CA5A: variants seen among roughly 807,000 people sequenced by gnomAD.
CA5A encodes the protein carbonic anhydrase 5A, mitochondrial.
Under a neutral mutation model 37.1 loss-of-function variants are expected in CA5A, and 28 were observed. That is an observed-to-expected ratio of 0.75 (90% CI 0.56 to 1.03). The LOEUF is 1.03. Among genes scored for constraint, CA5A ranks in the 50% least tolerant of loss-of-function variants. The pLI, the probability that CA5A is intolerant of heterozygous loss-of-function variation, is 0.00. For synonymous variants in CA5A, 171 were observed against 158.4 expected, an observed-to-expected ratio of 1.08 and a Z score of -0.60; for missense variants, 444 against 399.9, an observed-to-expected ratio of 1.11 and a Z score of -0.94.
intron 2 of CA5A, chr16:87,923,559 G>A (rs899442850): frequency 3.0e-6 from 3 of 985,260 alleles, no homozygotes; most frequent in South Asian, 4.7e-5. Context: ...ATTCCCCTGG[G>A]GCCCCCTGTT....
rs148571415 is a variant in CA5A at position 87,902,581 on chromosome 16, C to A, written c.460-61G>T. ...GCAAGAAATAAGACAGTCACTTCCC[C>A]TTCTGAATGGCTGACCTATGTGTCC... is the stretch of plus-strand genomic sequence containing the variant. On this transcript the variant is annotated intron_variant, in intron 3 of 6. Transcript: ENST00000649794. 5.7e-3 allele frequency: 5,116 copies of A among 899,262 alleles called. 199 individuals are homozygous for A. The African/African-American group carries it at 0.076, about 13-fold the overall frequency. 55.7% of individuals were successfully genotyped at this position (899,262 alleles called of 1,614,324 possible).
intron 1 of CA5A, among the ~76,000 whole-genome samples, chr16:87,932,849 G>A (rs2056425932): frequency 1.3e-5 from 2 of 152,288 alleles, no homozygotes; most frequent in Middle Eastern, 3.4e-3. Flanking sequence ...TCCATGGGAG[G>A]AGCTATCCCC....
At chr16:87,930,217 C>A (rs1423932734) in intron 1 of CA5A, among the ~76,000 whole-genome samples, 2 of 152,176 alleles carry the variant, frequency 1.3e-5, no homozygotes, top group Non-Finnish European at 2.9e-5. Context: ...GCATCTGGCA[C>A]TATGAATGTT....
intron 2 of CA5A, among the ~76,000 whole-genome samples, chr16:87,905,728 A>C (rs2055951571): frequency 6.6e-6 from 1 of 152,208 alleles, no homozygotes; most frequent in African/African-American, 2.4e-5. Context: ...TCCCTGCTTA[A>C]TCTAGGCCCA....
chr16:87,916,930 G>A (rs1275032304), intron 2 of CA5A, among the ~76,000 whole-genome samples: 6 of 151,818 alleles, frequency 4.0e-5, no homozygotes, highest in Non-Finnish European at 7.4e-5. Context: ...GTGAAACCCC[G>A]TCTTTACTAA....
At chr16:87,916,842 C>G (rs1245375208) in intron 2 of CA5A, among the ~76,000 whole-genome samples, 1 of 152,054 alleles carries the variant, frequency 6.6e-6, no homozygotes, top group Non-Finnish European at 1.5e-5. Flanking sequence ...GTGGCTCACG[C>G]CTGTAATCCC....
chr16:87,910,142 G>A (rs1171235527), intron 2 of CA5A, among the ~76,000 whole-genome samples: 1 of 152,218 alleles, frequency 6.6e-6, no homozygotes, highest in Non-Finnish European at 1.5e-5. Flanking sequence ...TTCATGGGGT[G>A]AAACAGCTGA....
At chr16:87,936,169 C>CT in intron 1 of CA5A, 140 bp downstream of exon 1, 4 of 537,690 alleles carry the variant, frequency 7.4e-6, no homozygotes, top group Non-Finnish European at 9.5e-6. Flanking sequence ...GAGACGCCAT[C>CT]TTAAAAAAAA....
At position 87,905,087 on chromosome 16, in the gene CA5A, G is replaced by GC. The variant is rs796364163; in HGVS notation, c.341-184dup. On this transcript the variant is annotated intron_variant, in intron 2 of 6. Coordinates refer to ENST00000649794, the MANE Select transcript of CA5A (RefSeq NM_001739.2). ...GGGCTCTGTCTGTCCCATTCACTCTGCCCCCCCCCAGCCCAGCGCCTGCCC... is the reference window on the plus strand; with the variant it reads ...GGGCTCTGTCTGTCCCATTCACTCTGCCCCCCCCCCAGCCCAGCGCCTGCCC... Among the ~76,000 whole-genome samples, 547 of 151,354 alleles carry GC rather than the reference G, an allele frequency of 3.6e-3. 2 individuals are homozygous for GC. The highest frequency in any genetic ancestry group is 9.5e-3 in the African/African-American group (393 of 41,282).
At chr16:87,932,972 T>C (rs545984151) in intron 1 of CA5A, among the ~76,000 whole-genome samples, 1 of 152,332 alleles carries the variant, frequency 6.6e-6, no homozygotes, top group African/African-American at 2.4e-5. Flanking sequence ...GGCCTCGCCC[T>C]GTGAGTGCCT....
intron 3 of CA5A, among the ~76,000 whole-genome samples, chr16:87,904,163 G>A (rs1451378515): frequency 6.6e-6 from 1 of 152,018 alleles, no homozygotes; most frequent in Non-Finnish European, 1.5e-5. Context: ...CCAACATGGC[G>A]AAACCCCATC....
rs1210277698 is a variant in CA5A, at chr16:87,895,563, C to A, written c.619-3609G>T. Among the ~76,000 whole-genome samples, 3 of 151,906 alleles carry A rather than the reference C, an allele frequency of 2.0e-5. No homozygotes were observed. In the East Asian group the frequency reaches 5.8e-4, roughly 29 times the overall value. On this transcript the variant is annotated intron_variant, in intron 5 of 6. Coordinates refer to ENST00000649794, the MANE Select transcript of CA5A (RefSeq NM_001739.2). ...TCCATCTCAAAAAGAAAACAAAAAA[C>A]AAAAAACAAAAAAAGTAAATAAAAA...
chr16:87,900,220 T>C (rs2055859511), intron 5 of CA5A, among the ~76,000 whole-genome samples: 1 of 152,198 alleles, frequency 6.6e-6, no homozygotes. Flanking sequence ...AGGTGGAGGC[T>C]GGCTGGGAAA....
downstream of CA5A, chr16:87,886,773 C>G (rs1487913266): frequency 6.6e-6 from 1 of 152,248 alleles, no homozygotes; most frequent in Non-Finnish European, 1.5e-5. Flanking sequence ...AGAGCCCATC[C>G]ATTCCCTACA....
At chr16:87,921,641 G>C (rs1289499165) in intron 2 of CA5A, among the ~76,000 whole-genome samples, 2 of 152,130 alleles carry the variant, frequency 1.3e-5, no homozygotes, top group Admixed American at 6.6e-5. Context: ...AATGGGAGTC[G>C]GGGATGGGCT....
chr16:87,895,578 G>A (rs1351291601), intron 5 of CA5A, among the ~76,000 whole-genome samples: 2 of 152,066 alleles, frequency 1.3e-5, no homozygotes. Context: ...AACAAAAAAA[G>A]TAAATAAAAA....
rs933674570 is a variant in CA5A at position 87,926,132 on chromosome 16, A to G, written c.340+616T>C. 4.6e-5 allele frequency among the ~76,000 whole-genome samples: 7 copies of G among 152,182 alleles called. 1 individual carries two copies. Among genetic ancestry groups the G allele is most frequent in the African/African-American group, 1.7e-4 (7 of 41,448 alleles). ...CAGTTACTCAGGCTGAGGCAGGAGA[A>G]TCACTTGAACCAGGAGACAGAGGTT... On this transcript the variant is annotated intron_variant, in intron 2 of 6. Coordinates refer to ENST00000649794, the MANE Select transcript of CA5A (RefSeq NM_001739.2).
At chr16:87,912,913 G>A (rs2056073036) in intron 2 of CA5A, among the ~76,000 whole-genome samples, 1 of 152,220 alleles carries the variant, frequency 6.6e-6, no homozygotes, top group South Asian at 2.1e-4. Context: ...AGCAGGAGAT[G>A]GGATTACAGG....
intron 2 of CA5A, among the ~76,000 whole-genome samples, chr16:87,906,027 G>A (rs546264722): frequency 7.2e-4 from 110 of 152,348 alleles, no homozygotes; most frequent in Non-Finnish European, 1.3e-3. Context: ...GGATGTGGGT[G>A]GCTTCTCCTG....
Sources: allele counts gnomAD v4.1 joint callset (sites outside exome capture counted in the v4.1 genomes callset), GRCh38; gene constraint gnomAD v4.1.1; transcripts MANE v1.5; gene names NCBI Gene and HGNC (gene_info 2026-07-23, HGNC 2026-07-21).